MBP: variants seen among roughly 807,000 people sequenced by gnomAD.
MBP encodes the protein Golli-MBP.
MBP carries 16 observed loss-of-function variants against 35.8 expected under a neutral mutation model. That is an observed-to-expected ratio of 0.45 (90% CI 0.30 to 0.68). MBP has a LOEUF of 0.68. Among genes scored for constraint, MBP ranks in the 30% least tolerant of loss-of-function variants. MBP has a pLI of 0.08. For synonymous variants in MBP, 143 were observed against 159.6 expected (o/e 0.90, Z 0.78); for missense variants, 380 against 404.7 (o/e 0.94, Z 0.52).
chr18:76,983,852 A>G (rs922163773), intron 8 of MBP: 1 of 152,208 alleles, frequency 6.6e-6, no homozygotes, highest in African/African-American at 2.4e-5. Context: ...ACACATCCAG[A>G]CTCAACAAAA....
At chr18:77,001,409 C>A (rs934848112) in intron 4 of MBP, among the ~76,000 whole-genome samples, 59 of 152,256 alleles carry the variant, frequency 3.9e-4, no homozygotes, top group African/African-American at 1.4e-3. Context: ...CAGTCCACGG[C>A]AGCTAATGAG....
rs189880546 is a variant in MBP at position 77,110,679 on chromosome 18, T to G, written c.-25-5393A>C. 3 of 152,308 alleles carry G rather than the reference T, an allele frequency of 2.0e-5. No homozygotes were observed. The East Asian group carries it at 5.8e-4, about 29-fold the overall frequency. The allele number at this position is 152,308 out of a possible 1,614,324, so 9.4% of individuals were successfully genotyped here. A position where few individuals can be genotyped will look rare whatever the true frequency, so the allele number is the denominator to read the frequency against. ...CCGCCGGACAAGGGGCCTTTCTCCA[T>G]TCCATAAGTGTGTATGGAACTTTTG... On this transcript the variant is annotated intron_variant, in intron 1 of 8. Transcript: ENST00000355994.
chr18:77,014,336 A>G (rs906431322), intron 4 of MBP: 38 of 985,270 alleles, frequency 3.9e-5, no homozygotes, highest in Non-Finnish European at 4.5e-5. Flanking sequence ...AGGAGGACAA[A>G]CAGCCCCTTT....
chr18:77,072,085 T>A (rs1974476583), intron 2 of MBP, among the ~76,000 whole-genome samples: 1 of 152,138 alleles, frequency 6.6e-6, no homozygotes, highest in African/African-American at 2.4e-5. Flanking sequence ...GACACAGTCA[T>A]ATGTGGCACC....
intron 2 of MBP, among the ~76,000 whole-genome samples, chr18:77,096,151 G>A (rs1975748766): frequency 6.6e-6 from 1 of 152,236 alleles, no homozygotes. Context: ...GAAAAAGTCA[G>A]TGACATTTCA....
In MBP at chr18:76,988,970, C is replaced by T. The variant is rs1969734640; in HGVS notation, c.682-58G>A. ...GGGAGCCCTGTGCCGCCGTCCATTT[C>T]CTAACGGGCTCCTGCCTGCTGAGGG... On this transcript the variant is annotated intron_variant, in intron 5 of 8. Transcript: ENST00000355994. This position sits in a 1 kb window ranked among gnomAD's most constrained non-coding sequence, Gnocchi z 5.2. The T allele has an allele frequency of 6.5e-7, 1 of 1,549,388 alleles. No homozygotes were observed. The highest frequency in any genetic ancestry group is 8.9e-7 in the Non-Finnish European group (1 of 1,120,928).
intron 4 of MBP, among the ~76,000 whole-genome samples, chr18:77,010,325 C>G (rs1225769768): frequency 6.6e-6 from 1 of 152,206 alleles, no homozygotes; most frequent in African/African-American, 2.4e-5. Context: ...AGGCCTTTCC[C>G]AGTCTGGAGC....
chr18:77,067,190 C>G (rs920828980), intron 2 of MBP, among the ~76,000 whole-genome samples: 1 of 152,194 alleles, frequency 6.6e-6, no homozygotes, highest in African/African-American at 2.4e-5. Context: ...GTGCTGAAAC[C>G]CCGGGGTCTC....
chr18:77,064,381 T>C (rs1974104582), intron 3 of MBP, among the ~76,000 whole-genome samples: 1 of 152,126 alleles, frequency 6.6e-6, no homozygotes. Flanking sequence ...AGGCGGTGAG[T>C]TATGCTCAGA....
chr18:77,048,652 C>T (rs755602004), intron 3 of MBP, among the ~76,000 whole-genome samples: 14 of 151,870 alleles, frequency 9.2e-5, no homozygotes, highest in Admixed American at 5.2e-4. Context: ...TTAGTTGAGA[C>T]GGGGTTTCAC....
intron 2 of MBP, among the ~76,000 whole-genome samples, chr18:77,079,104 C>G (rs1974780513): frequency 6.6e-6 from 1 of 152,260 alleles, no homozygotes; most frequent in Admixed American, 6.5e-5. Context: ...AGCCTCAAGG[C>G]TGCAGAGTTG....
intron 2 of MBP, among the ~76,000 whole-genome samples, chr18:77,099,924 C>T (rs1568339477): frequency 6.6e-6 from 1 of 152,244 alleles, no homozygotes; most frequent in Non-Finnish European, 1.5e-5. Context: ...CGTGTGGCTG[C>T]TGGTGTGGAG....
chr18:77,047,214 G>A (rs1339002136), intron 3 of MBP, among the ~76,000 whole-genome samples: 1 of 152,232 alleles, frequency 6.6e-6, no homozygotes, highest in East Asian at 1.9e-4. Flanking sequence ...ATTCACGACA[G>A]CCAAAGGGTG....
Position 77,044,729 on chromosome 18 carries a change from AAACTT to A in MBP, c.139+21564_139+21568del, listed in dbSNP as rs1473162174. Among the ~76,000 whole-genome samples the A allele has an allele frequency of 6.6e-6, 1 of 152,208 alleles. No homozygotes were observed. Among genetic ancestry groups the A allele is most frequent in the African/African-American group, 2.4e-5 (1 of 41,450 alleles). Reference sequence around the variant, plus strand: ...GATCTGAAATGCTTAAAAGCAAATTAAACTTAACTCATAAAAGGAGAAGAAAAATG... The same window carrying A: ...GATCTGAAATGCTTAAAAGCAAATTAAACTCATAAAAGGAGAAGAAAAATG... On this transcript the variant is annotated intron_variant, in intron 3 of 8. Coordinates refer to ENST00000355994, the MANE Select transcript of MBP (RefSeq NM_001025101.2). This position sits in a 1 kb window ranked among gnomAD's most constrained non-coding sequence, Gnocchi z 4.4.
At position 77,131,071 on chromosome 18, in the gene MBP, GCGCGCACGCA is replaced by G. The variant is rs1165589324; in HGVS notation, c.-26+1499_-26+1508del. 2.3e-4 allele frequency among the ~76,000 whole-genome samples: 4 copies of G among 17,680 alleles called. No homozygotes were observed. Among genetic ancestry groups the G allele is most frequent in the South Asian group, 2.7e-3 (1 of 366 alleles). 11.6% of individuals were successfully genotyped at this position (17,680 alleles called of 152,430 possible). On this transcript the variant is annotated intron_variant, in intron 1 of 8. Transcript: ENST00000355994. This position sits in a 1 kb window ranked among gnomAD's most constrained non-coding sequence, Gnocchi z 5.5. Reference sequence around the variant, plus strand: ...ACCTCAAAAAACAAAACACACACACGCGCGCACGCACGCGCACACACACACACACACACAC... The same window carrying G: ...ACCTCAAAAAACAAAACACACACACGCGCGCACACACACACACACACACAC...
intron 3 of MBP, among the ~76,000 whole-genome samples, chr18:77,049,655 G>T (rs1450190037): frequency 2.6e-5 from 4 of 151,998 alleles, no homozygotes; most frequent in African/African-American, 9.7e-5. Context: ...ATTGGATATG[G>T]ATAACTATTT....
chr18:77,040,512 G>A (rs1972949398), intron 3 of MBP, among the ~76,000 whole-genome samples: 2 of 152,254 alleles, frequency 1.3e-5, no homozygotes, highest in Non-Finnish European at 2.9e-5. Flanking sequence ...GAGGCATCAT[G>A]CTACCTGACT....
intron 2 of MBP, among the ~76,000 whole-genome samples, chr18:77,079,170 G>A (rs916171309): frequency 2.6e-5 from 4 of 152,230 alleles, no homozygotes; most frequent in African/African-American, 7.2e-5. Context: ...AGGGTCTTTC[G>A]GACCAGGGGT....
At position 77,012,933 on chromosome 18, in the gene MBP, G is replaced by A. The variant is rs941384591; in HGVS notation, c.576+3899C>T. On this transcript the variant is annotated intron_variant, in intron 4 of 8. Transcript: ENST00000355994. ...CATTCCCATGATTTACAAATGTATC[G>A]CTTATACAGAGGAAGTTGCAAAATC... The A allele has an allele frequency of 4.1e-6, 4 of 985,202 alleles. No homozygotes were observed. In the East Asian group the frequency reaches 3.4e-4, roughly 84 times the overall value. 61.0% of individuals were successfully genotyped at this position (985,202 alleles called of 1,614,324 possible).
Sources: gnomAD v4.1 joint callset for allele counts (sites outside exome capture counted in the v4.1 genomes callset) on GRCh38, gnomAD v4.1.1 for gene constraint, Gnocchi (gnomAD v3.1) non-coding constraint, MANE v1.5 for transcripts, NCBI Gene and HGNC (gene_info 2026-07-23, HGNC 2026-07-21) for gene names.